Variants in FGR observed in about 807,000 individuals in gnomAD.
FGR encodes FGR proto-oncogene, Src family tyrosine kinase.
Under a neutral mutation model 63.2 loss-of-function variants are expected in FGR, and 26 were observed. The observed-to-expected ratio is 0.41, with a 90% CI of 0.30 to 0.57. FGR has a LOEUF of 0.57. Ranked by LOEUF, FGR falls within the 20% of genes least tolerant of loss-of-function variation. FGR has a pLI of 0.27. For synonymous variants in FGR, 286 were observed against 277.7 expected, an observed-to-expected ratio of 1.03 and a Z score of -0.30; for missense variants, 511 against 690.8, an observed-to-expected ratio of 0.74 and a Z score of 2.92.
At chr1:27,613,934 A>G (rs1208812723) in intron 11 of FGR, among the ~76,000 whole-genome samples, 3 of 152,104 alleles carry the variant, frequency 2.0e-5, no homozygotes, top group Non-Finnish European at 4.4e-5. Flanking sequence ...GTTTTAAGTG[A>G]TATGCATGCA....
intron 1 of FGR, among the ~76,000 whole-genome samples, chr1:27,632,170 T>C (rs1481877440): frequency 6.6e-6 from 1 of 151,524 alleles, no homozygotes; most frequent in Non-Finnish European, 1.5e-5. Flanking sequence ...AGTGTCTCAT[T>C]CTGTCGCCAA....
chr1:27,612,987 T>C lies in FGR; in HGVS notation c.1517A>G (p.Glu506Gly). The C allele has an allele frequency of 6.2e-7, 1 of 1,614,204 alleles. No homozygotes were observed. Among genetic ancestry groups the C allele is most frequent in the Non-Finnish European group, 8.5e-7 (1 of 1,180,034 alleles). Residue 506 changes from glutamate to glycine, a missense_variant, in exon 13 of 13, where the codon GAG becomes GGG. Glu to Gly is a moderately conservative substitution (Grantham distance 98). Transcript: ENST00000374005. ...RLDPEERPTF[E>G]YLQSFLEDYF... ...GTCCTCCAGGAAGGACTGCAGGTAC[T>C]CGAAGGTAGGCCTCTCCTCCGGGTC...
rs750416649 is a variant in FGR, at chr1:27,615,768, C to T, written c.759G>A (p.Lys253=). 28 of 1,604,198 alleles carry T rather than the reference C, an allele frequency of 1.7e-5. No homozygotes were observed. The Middle Eastern group carries it at 6.6e-4, about 38-fold the overall frequency. The part of the protein sequence containing the change: ...IMKPQTLGLA[K]DAWEISRSSI... The stretch of plus-strand genomic sequence containing the variant: ...AGCTGCGGCTGATCTCCCAGGCGTC[C>T]TTGGCCAGGCCCAGCGTCTGCGGCT... The change falls in exon 8 of 13, where the codon AAG becomes AAA. Residue 253 remains lysine, a synonymous_variant. Transcript: ENST00000374005. This position sits in a 1 kb window ranked among gnomAD's most constrained non-coding sequence, Gnocchi z 7.6.
At position 27,615,902 on chromosome 1, in the gene FGR, C is replaced by T. The variant is rs552367079; in HGVS notation, c.683-58G>A. 1,463 of 1,483,356 alleles carry T rather than the reference C, an allele frequency of 9.9e-4. No homozygotes were observed. The highest frequency in any genetic ancestry group is 1.2e-3 in the Non-Finnish European group (1,372 of 1,103,816). The allele number at this position is 1,483,356 out of a possible 1,614,324, so 91.9% of individuals were successfully genotyped here. A position where few individuals can be genotyped will look rare whatever the true frequency, so the allele number is the denominator to read the frequency against. On this transcript the variant is annotated intron_variant, in intron 7 of 12. Transcript: ENST00000374005. This position sits in a 1 kb window ranked among gnomAD's most constrained non-coding sequence, Gnocchi z 7.6. ...TGGGCCAGGACACCCCCCTCCACTC[C>T]TTATCCTATCCCAGCCTGGTGCCAG...
intron 1 of FGR, among the ~76,000 whole-genome samples, chr1:27,628,516 TACACACAC>T (rs56021900): frequency 3.4e-3 from 312 of 91,312 alleles, no homozygotes; most frequent in Middle Eastern, 0.011. Context: ...CATGTAGGGA[TACACACAC>T]ACACACACAC....
At chr1:27,629,443 A>T (rs2090073027) in intron 1 of FGR, among the ~76,000 whole-genome samples, 1 of 152,094 alleles carries the variant, frequency 6.6e-6, no homozygotes, top group African/African-American at 2.4e-5. Context: ...ATTAAGGAGA[A>T]AGAGTAATCA....
In FGR at chr1:27,615,828, C is replaced by G. The variant is rs370935037; in HGVS notation, c.699G>C (p.Leu233=). The change falls in exon 8 of 13, where the codon CTG becomes CTC. Residue 233 remains leucine (L), a synonymous_variant. Coordinates refer to ENST00000374005, the MANE Select transcript of FGR (RefSeq NM_005248.3). The surrounding 1 kb of genome is among the most constrained non-coding windows in gnomAD (Gnocchi z 7.6). ...VQHYMEVNDG[L]CNLLIAPCTI... Reference sequence around the variant, plus strand: ...TGCAGGGCGCGATGAGCAGGTTGCACAGCCCGTCATTCACCTCTAGGGGAG... The same window carrying G: ...TGCAGGGCGCGATGAGCAGGTTGCAGAGCCCGTCATTCACCTCTAGGGGAG... 6.3e-6 allele frequency: 10 copies of G among 1,593,286 alleles called. No homozygotes were observed. Among genetic ancestry groups the G allele is most frequent in the Non-Finnish European group, 7.7e-6 (9 of 1,169,510 alleles).
chr1:27,627,874 G>T (rs762264635), intron 1 of FGR, among the ~76,000 whole-genome samples: 2 of 152,144 alleles, frequency 1.3e-5, no homozygotes, highest in Non-Finnish European at 2.9e-5. Flanking sequence ...CTCCCAAAGT[G>T]TTGGGATTAC....
Position 27,623,041 on chromosome 1 carries a change from C to T in FGR, c.329+1G>A, listed in dbSNP as rs755187930. 1.2e-6 allele frequency: 2 copies of T among 1,609,662 alleles called. No individual in the cohort carries two copies. Among genetic ancestry groups the T allele is most frequent in the South Asian group, 1.1e-5 (1 of 90,978 alleles). ...TCTGACTAGGTGGCCTGGTCACTTA[C>T]GTATTGTTCAGGATGTGGAACTTCT... On this transcript the variant is annotated splice_donor_variant, in intron 4 of 12. Transcript: ENST00000374005. LOFTEE classifies it high-confidence loss of function.
Position 27,623,042 on chromosome 1 carries a change from G to A in FGR, c.329C>T (p.Thr110Ile), listed in dbSNP as rs34597831. 1.7e-4 allele frequency: 276 copies of A among 1,610,102 alleles called. 2 individuals are homozygous for A. The East Asian group carries it at 3.3e-3, about 19-fold the overall frequency. ...CTGACTAGGTGGCCTGGTCACTTACGTATTGTTCAGGATGTGGAACTTCTC... is the reference window on the plus strand; with the variant it reads ...CTGACTAGGTGGCCTGGTCACTTACATATTGTTCAGGATGTGGAACTTCTC... ...KGEKFHILNN[T>I]EGDWWEARSL... Residue 110 changes from threonine (T) to isoleucine (I), a missense_variant and splice_region_variant, in exon 4 of 13, where the codon ACT becomes ATT. By Grantham distance (89) the Thr-to-Ile change is moderately conservative. Coordinates refer to ENST00000374005, the MANE Select transcript of FGR (RefSeq NM_005248.3).
chr1:27,620,069 C>T (rs2089891971), intron 5 of FGR, among the ~76,000 whole-genome samples: 1 of 152,166 alleles, frequency 6.6e-6, no homozygotes, highest in South Asian at 2.1e-4. Flanking sequence ...GTAATCTCAG[C>T]ACTTTGGGAG....
intron 3 of FGR, 155 bp downstream of exon 3, chr1:27,623,536 G>A: frequency 1.3e-6 from 1 of 776,220 alleles, no homozygotes; most frequent in Non-Finnish European, 2.2e-6. Flanking sequence ...TGATGGGAGG[G>A]CTGTACAGAC....
At chr1:27,621,272 T>C (rs574808538) in intron 5 of FGR, among the ~76,000 whole-genome samples, 2 of 152,318 alleles carry the variant, frequency 1.3e-5, no homozygotes, top group East Asian at 3.9e-4. Context: ...GGATATTTAC[T>C]TTCTCTGTGC....
intron 10 of FGR, 122 bp downstream of exon 10, chr1:27,614,728 C>A: frequency 7.6e-7 from 1 of 1,315,718 alleles, no homozygotes; most frequent in Non-Finnish European, 1.1e-6. Flanking sequence ...CTCTCAGGCA[C>A]AGCTGGAGGC....
Position 27,615,362 on chromosome 1 carries a change from C to G in FGR, c.1018+72G>C, listed in dbSNP as rs2089785238. On this transcript the variant is annotated intron_variant, in intron 9 of 12. Coordinates refer to ENST00000374005, the MANE Select transcript of FGR (RefSeq NM_005248.3). This position sits in a 1 kb window ranked among gnomAD's most constrained non-coding sequence, Gnocchi z 7.6. ...CCCTTGTCCCTCACAGATCGCGTCC[C>G]AGGTCCCACGCCTGAAAACTCCCCT... The G allele has an allele frequency of 1.2e-5, 18 of 1,509,766 alleles. No individual in the cohort carries two copies. Among genetic ancestry groups the G allele is most frequent in the South Asian group, 3.7e-5 (3 of 81,744 alleles). The allele number at this position is 1,509,766 out of a possible 1,614,324, so 93.5% of individuals were successfully genotyped here.
chr1:27,619,443 G>A (rs192269830), intron 5 of FGR, among the ~76,000 whole-genome samples: 1,560 of 152,224 alleles, frequency 0.01, 9 homozygotes, highest in Middle Eastern at 0.02. Flanking sequence ...CGCCCGCCTC[G>A]GCCTCCCAAA....
intron 1 of FGR, among the ~76,000 whole-genome samples, chr1:27,634,400 C>T (rs2090149769): frequency 6.6e-6 from 1 of 152,150 alleles, no homozygotes; most frequent in South Asian, 2.1e-4. Flanking sequence ...GCAGGAGTCC[C>T]CTGCAGCCCG....
At chr1:27,625,707 G>A (rs886406100) in intron 1 of FGR, among the ~76,000 whole-genome samples, 4 of 152,180 alleles carry the variant, frequency 2.6e-5, no homozygotes, top group Non-Finnish European at 4.4e-5. Context: ...TTGGGAGACC[G>A]AGGTGAGTGG....
chr1:27,625,296 C>T (rs1024993941), intron 1 of FGR, 145 bp from the exon 2 acceptor site: 4 of 153,064 alleles, frequency 2.6e-5, no homozygotes, highest in Non-Finnish European at 2.9e-5. Context: ...CTTCCTATCA[C>T]CCCTGGCACA....
Sources: gnomAD v4.1 joint callset for allele counts (sites outside exome capture counted in the v4.1 genomes callset) on GRCh38, gnomAD v4.1.1 for gene constraint, Gnocchi (gnomAD v3.1) non-coding constraint, MANE v1.5 for transcripts, NCBI Gene and HGNC (gene_info 2026-07-23, HGNC 2026-07-21) for gene names.